Variants in HERC1 observed in about 807,000 individuals in gnomAD.
The protein encoded by HERC1 is HECT and RLD domain containing E3 ubiquitin protein ligase family member 1.
A neutral mutation model predicts 554.3 loss-of-function variants in HERC1; 160 were observed. That is an observed-to-expected ratio of 0.29 (90% CI 0.25 to 0.33). HERC1 has a LOEUF of 0.33. Ranked by LOEUF, HERC1 falls within the 10% of genes least tolerant of loss-of-function variation. HERC1 has a pLI of 1.00. For missense variants in HERC1, 4,919 were observed against 5,918.5 expected (o/e 0.83, Z 5.54); for synonymous variants, 2,175 against 2,131.7 (o/e 1.02, Z -0.56).
At chr15:63,732,603 T>C (rs2074343959) in intron 14 of HERC1, among the ~76,000 whole-genome samples, 2 of 152,366 alleles carry the variant, frequency 1.3e-5, no homozygotes, top group East Asian at 1.9e-4. Context: ...CCAAGTACAT[T>C]GTTTCATTAT....
intron 54 of HERC1, among the ~76,000 whole-genome samples, chr15:63,648,581 CT>C (rs1196203942): frequency 6.6e-6 from 1 of 152,140 alleles, no homozygotes; most frequent in African/African-American, 2.4e-5. Flanking sequence ...AATTACATCT[CT>C]TTTTTTGCTT....
chr15:63,758,436 A>G lies in HERC1; in HGVS notation c.1027-67T>C. ...TTTAGTCTGGGCATTTTTTATACAT[A>G]TCCTCTGAAATTACTGTTGCCTTTC... On this transcript the variant is annotated intron_variant, in intron 3 of 77. Transcript: ENST00000443617. This position sits in a 1 kb window ranked among gnomAD's most constrained non-coding sequence, Gnocchi z 4.0. The G allele has an allele frequency of 9.4e-7, 1 of 1,065,576 alleles. No individual in the cohort carries two copies. Among genetic ancestry groups the G allele is most frequent in the Non-Finnish European group, 1.3e-6 (1 of 744,126 alleles). The allele number at this position is 1,065,576 out of a possible 1,614,324, so 66.0% of individuals were successfully genotyped here.
intron 51 of HERC1, among the ~76,000 whole-genome samples, chr15:63,653,582 CT>C (rs2069830466): frequency 6.6e-6 from 1 of 152,118 alleles, no homozygotes; most frequent in Non-Finnish European, 1.5e-5. Context: ...CCATGATTCC[CT>C]GCCCCAAATT....
Position 63,680,305 on chromosome 15 carries a change from A to G in HERC1, c.6466-145T>C. On this transcript the variant is annotated intron_variant, in intron 35 of 77. Transcript: ENST00000443617. This position sits in a 1 kb window ranked among gnomAD's most constrained non-coding sequence, Gnocchi z 5.8. ...TTCTCAATTAACCTTGCTAACCGAG[A>G]AAATTCTACATATAATAAGTGATCA... The G allele has an allele frequency of 2.7e-6, 2 of 753,364 alleles. No homozygotes were observed. The highest frequency in any genetic ancestry group is 5.4e-5 in the East Asian group (2 of 37,146). 46.7% of individuals were successfully genotyped at this position (753,364 alleles called of 1,614,324 possible).
chr15:63,638,681 C>T (rs571147632), intron 62 of HERC1, 30 bp downstream of exon 62: 30 of 1,598,306 alleles, frequency 1.9e-5, no homozygotes, highest in Non-Finnish European at 2.6e-5. Context: ...GACTGAGAAC[C>T]ATCATACAGT....
chr15:63,724,436 C>T (rs900638146), intron 18 of HERC1, among the ~76,000 whole-genome samples: 1 of 152,184 alleles, frequency 6.6e-6, no homozygotes, highest in African/African-American at 2.4e-5. Context: ...GGAGGAAAAT[C>T]CTCAACTGCT....
At chr15:63,649,585 A>T (rs1293024552) in intron 54 of HERC1, 140 bp downstream of exon 54, 1 of 658,508 alleles carries the variant, frequency 1.5e-6, no homozygotes, top group Non-Finnish European at 2.6e-6. Context: ...TAACTAATTA[A>T]AATTAAAACA....
chr15:63,828,171 A>G (rs1486103096), intron 1 of HERC1, among the ~76,000 whole-genome samples: 2 of 152,176 alleles, frequency 1.3e-5, no homozygotes, highest in Non-Finnish European at 2.9e-5. Flanking sequence ...AATATAAGAG[A>G]ACACCCACAT....
In HERC1 at chr15:63,626,105, C is replaced by G; in HGVS notation, c.13155G>C (p.Gln4385His). 4 of 1,613,836 alleles carry G rather than the reference C, an allele frequency of 2.5e-6. No individual in the cohort carries two copies. Among genetic ancestry groups the G allele is most frequent in the Non-Finnish European group, 3.4e-6 (4 of 1,179,802 alleles). Reference protein sequence around the residue: ...QLGLPDTVPPQYGALREVSIH... With the variant: ...QLGLPDTVPPHYGALREVSIH... ...TGCTGACTTCTCTCAGCGCCCCATA[C>G]TGGGGGGGCACTGTGTCAGGCAGGC... The change falls in exon 71 of 78, where the codon CAG becomes CAC. Residue 4385 changes from glutamine to histidine, a missense_variant. Physicochemically the swap from Gln to His is conservative, Grantham distance 24 (BLOSUM62 0). This residue lies in a region of HERC1 where 410 missense variants were observed against 467.0 expected (regional missense o/e 0.88). Coordinates refer to ENST00000443617, the MANE Select transcript of HERC1 (RefSeq NM_003922.4).
intron 11 of HERC1, 22 bp downstream of exon 11, chr15:63,747,701 TA>T: frequency 6.9e-7 from 1 of 1,453,462 alleles, no homozygotes; most frequent in Non-Finnish European, 9.4e-7. Context: ...CACACAAAGA[TA>T]CAAAACATAC....
intron 7 of HERC1, among the ~76,000 whole-genome samples, chr15:63,753,647 T>C (rs922112111): frequency 6.6e-6 from 1 of 152,302 alleles, no homozygotes; most frequent in South Asian, 2.1e-4. Context: ...TTAAATTTAA[T>C]ACATGCTGTT....
At chr15:63,662,891 G>C in intron 44 of HERC1, 93 bp downstream of exon 44, 1 of 923,712 alleles carries the variant, frequency 1.1e-6, no homozygotes, top group Admixed American at 2.3e-5. Flanking sequence ...TTTTTAGAGT[G>C]TTTCAACTCT....
intron 39 of HERC1, among the ~76,000 whole-genome samples, chr15:63,671,300 A>C (rs1273516093): frequency 6.6e-6 from 1 of 151,406 alleles, no homozygotes; most frequent in African/African-American, 2.4e-5. Flanking sequence ...AATCTAGAAG[A>C]CTTTGAGGCT....
At chr15:63,771,311 T>A (rs1000092518) in intron 2 of HERC1, among the ~76,000 whole-genome samples, 1 of 152,144 alleles carries the variant, frequency 6.6e-6, no homozygotes, top group Non-Finnish European at 1.5e-5. Flanking sequence ...TCCTTTCCCC[T>A]AAAACCAAGC....
Position 63,727,962 on chromosome 15 carries a change from A to C in HERC1, c.3155-124T>G. 1 of 676,142 alleles carries C rather than the reference A, an allele frequency of 1.5e-6. No homozygotes were observed. Among genetic ancestry groups the C allele is most frequent in the Non-Finnish European group, 2.5e-6 (1 of 401,614 alleles). 41.9% of individuals were successfully genotyped at this position (676,142 alleles called of 1,614,324 possible). ...CTCATTCAACAACTCTCTGTTGAACACCTACCTGGTAGCTGATGTAGTATC... is the reference window on the plus strand; with the variant it reads ...CTCATTCAACAACTCTCTGTTGAACCCCTACCTGGTAGCTGATGTAGTATC... On this transcript the variant is annotated intron_variant, in intron 16 of 77. Coordinates refer to ENST00000443617, the MANE Select transcript of HERC1 (RefSeq NM_003922.4). The surrounding 1 kb of genome is among the most constrained non-coding windows in gnomAD (Gnocchi z 4.3).
intron 46 of HERC1, among the ~76,000 whole-genome samples, chr15:63,660,698 T>C (rs1247207566): frequency 6.6e-6 from 1 of 152,172 alleles, no homozygotes; most frequent in African/African-American, 2.4e-5. Context: ...ATTCAAAATA[T>C]ACCACATCCT....
At chr15:63,812,508 T>G (rs1851888995) in intron 1 of HERC1, among the ~76,000 whole-genome samples, 1 of 152,172 alleles carries the variant, frequency 6.6e-6, no homozygotes, top group South Asian at 2.1e-4. Flanking sequence ...AAGATCTGAT[T>G]CAAAAGGAAA....
At chr15:63,731,102 T>C (rs2074273260) in intron 14 of HERC1, among the ~76,000 whole-genome samples, 1 of 152,234 alleles carries the variant, frequency 6.6e-6, no homozygotes, top group African/African-American at 2.4e-5. Flanking sequence ...AAACCATGTG[T>C]ATATAAAATA....
At position 63,678,489 on chromosome 15, in the gene HERC1, T is replaced by C. The variant is rs1411853645; in HGVS notation, c.6550-124A>G. The C allele has an allele frequency of 7.1e-6, 8 of 1,130,148 alleles. No individual in the cohort carries two copies. In the Admixed American group the frequency reaches 1.8e-4, roughly 26 times the overall value. 70.0% of individuals were successfully genotyped at this position (1,130,148 alleles called of 1,614,324 possible). On this transcript the variant is annotated intron_variant, in intron 36 of 77. Transcript: ENST00000443617. ...TGGGTCTCTTCATACATGTGAATTATACCAACTGGCCCCCAAAGAGTAAGG... is the reference window on the plus strand; with the variant it reads ...TGGGTCTCTTCATACATGTGAATTACACCAACTGGCCCCCAAAGAGTAAGG...
Sources: allele counts gnomAD v4.1 joint callset (sites outside exome capture counted in the v4.1 genomes callset), GRCh38; gene constraint gnomAD v4.1.1; regional missense constraint gnomAD v4.1.1; non-coding constraint Gnocchi (gnomAD v3.1); transcripts MANE v1.5; gene names NCBI Gene and HGNC (gene_info 2026-07-23, HGNC 2026-07-21).